DGKB: variants seen among roughly 807,000 people sequenced by gnomAD.
The protein encoded by DGKB is 90 kDa diacylglycerol kinase.
DGKB carries 67 observed loss-of-function variants against 114.3 expected under a neutral mutation model. The ratio of observed to expected loss-of-function variants is 0.59; its 90% CI spans 0.48 to 0.72. The LOEUF (loss-of-function observed/expected upper bound fraction) is 0.72, where lower values mean the gene tolerates loss of function less well. Ranked by LOEUF, DGKB falls within the 30% of genes least tolerant of loss-of-function variation. The pLI, the probability that DGKB is intolerant of heterozygous loss-of-function variation, is 0.00. For missense variants in DGKB, 907 were observed against 975.2 expected, an observed-to-expected ratio of 0.93 and a Z score of 0.93; for synonymous variants, 398 against 323.1, an observed-to-expected ratio of 1.23 and a Z score of -2.49.
At chr7:14,531,046 A>C (rs1258754379) in intron 20 of DGKB, among the ~76,000 whole-genome samples, 1 of 151,540 alleles carries the variant, frequency 6.6e-6, no homozygotes, top group Non-Finnish European at 1.5e-5. Flanking sequence ...TTACTTCTAC[A>C]TTTCTATATT....
At chr7:14,913,833 C>G (rs907186957) in intron 1 of DGKB, among the ~76,000 whole-genome samples, 1 of 152,076 alleles carries the variant, frequency 6.6e-6, no homozygotes, top group African/African-American at 2.4e-5. Flanking sequence ...GCTAAGCAAG[C>G]TAATCAATAA....
chr7:14,184,793 G>T (rs1014278971), intron 23 of DGKB, among the ~76,000 whole-genome samples: 3 of 151,994 alleles, frequency 2.0e-5, no homozygotes, highest in African/African-American at 7.2e-5. Context: ...CTGGCAGGAG[G>T]TGCAAAAAAA....
At chr7:14,497,028 C>G (rs563554911) in intron 20 of DGKB, among the ~76,000 whole-genome samples, 2 of 151,834 alleles carry the variant, frequency 1.3e-5, no homozygotes, top group Admixed American at 6.6e-5. Context: ...GAAATAATGT[C>G]TTTTGCAGCA....
At chr7:14,440,374 C>G (rs1243186473) in intron 21 of DGKB, among the ~76,000 whole-genome samples, 1 of 151,966 alleles carries the variant, frequency 6.6e-6, no homozygotes, top group Admixed American at 6.6e-5. Flanking sequence ...TGATCAGGAC[C>G]CTCACTCATG....
chr7:14,191,118 C>A, intron 23 of DGKB: 1 of 167,936 alleles, frequency 6.0e-6, no homozygotes, highest in South Asian at 1.6e-4. Flanking sequence ...AGCCACATTT[C>A]AGGCTGACTG....
chr7:14,824,717 G>A (rs60554069), intron 2 of DGKB, among the ~76,000 whole-genome samples: 1 of 151,794 alleles, frequency 6.6e-6, no homozygotes, highest in Non-Finnish European at 1.5e-5. Flanking sequence ...TGTTGTTTAT[G>A]TACATTTACC....
At chr7:14,478,881 A>G (rs1207190301) in intron 20 of DGKB, among the ~76,000 whole-genome samples, 1 of 152,120 alleles carries the variant, frequency 6.6e-6, no homozygotes, top group Non-Finnish European at 1.5e-5. Flanking sequence ...TGAGACCCCA[A>G]GTGCATCGGT....
chr7:14,236,929 T>A (rs1237477937), intron 23 of DGKB, among the ~76,000 whole-genome samples: 1 of 151,938 alleles, frequency 6.6e-6, no homozygotes, highest in African/African-American at 2.4e-5. Flanking sequence ...TCCTAAGTTG[T>A]AATGTGATGT....
chr7:14,487,583 CT>C (rs11433526), intron 20 of DGKB, among the ~76,000 whole-genome samples: 204 of 125,878 alleles, frequency 1.6e-3, no homozygotes, highest in Middle Eastern at 8.8e-3. Flanking sequence ...AAGAAAATTC[CT>C]TTTTTTTTTT....
chr7:14,780,424 T>C (rs1393427878), intron 2 of DGKB, among the ~76,000 whole-genome samples: 1 of 152,306 alleles, frequency 6.6e-6, no homozygotes, highest in African/African-American at 2.4e-5. Context: ...TTTACAACAA[T>C]AGGCATATAA....
intron 1 of DGKB, among the ~76,000 whole-genome samples, chr7:14,853,673 G>A (rs1417439712): frequency 6.6e-6 from 1 of 151,546 alleles, no homozygotes; most frequent in East Asian, 2.0e-4. Context: ...TGGCCAACAC[G>A]GTGAAACCAC....
chr7:14,219,621 G>T (rs4584047), intron 23 of DGKB, among the ~76,000 whole-genome samples: 105,469 of 151,606 alleles, frequency 0.7, 38,181 homozygotes, highest in African/African-American at 0.91. Flanking sequence ...CTGCCATGCT[G>T]TAATTGGGCT....
intron 23 of DGKB, among the ~76,000 whole-genome samples, chr7:14,241,445 A>G (rs1293250725): frequency 1.4e-5 from 2 of 147,288 alleles, no homozygotes; most frequent in African/African-American, 4.8e-5. Context: ...CCTAAACCCA[A>G]GTTATACAGC....
At chr7:14,291,399 T>A (rs1473226719) in intron 23 of DGKB, among the ~76,000 whole-genome samples, 1 of 152,168 alleles carries the variant, frequency 6.6e-6, no homozygotes, top group East Asian at 1.9e-4. Flanking sequence ...GACCCAGATA[T>A]AGGAAAGAAT....
chr7:14,433,254 C>CT (rs1445360580), intron 21 of DGKB, among the ~76,000 whole-genome samples: 1 of 152,068 alleles, frequency 6.6e-6, no homozygotes, highest in Non-Finnish European at 1.5e-5. Context: ...TAGCTGATGC[C>CT]TTTTTTTGAG....
At chr7:14,864,038 G>C (rs917076951) in intron 1 of DGKB, among the ~76,000 whole-genome samples, 1 of 150,532 alleles carries the variant, frequency 6.6e-6, no homozygotes, top group Non-Finnish European at 1.5e-5. Flanking sequence ...GGCAGAGGTT[G>C]CGATCAGCCA....
intron 21 of DGKB, among the ~76,000 whole-genome samples, chr7:14,399,195 A>G (rs117646532): frequency 0.029 from 4,386 of 152,026 alleles, 96 homozygotes; most frequent in Non-Finnish European, 0.045. Flanking sequence ...AAAGTGGTCT[A>G]AAGCTATTGA....
chr7:14,810,743 G>A (rs1843327554), intron 2 of DGKB, among the ~76,000 whole-genome samples: 1 of 152,000 alleles, frequency 6.6e-6, no homozygotes, highest in African/African-American at 2.4e-5. Context: ...CAAGTAGCTG[G>A]GACTACAGGC....
At chr7:14,378,392 T>C (rs975832307) in intron 21 of DGKB, among the ~76,000 whole-genome samples, 11 of 152,196 alleles carry the variant, frequency 7.2e-5, no homozygotes, top group Non-Finnish European at 1.6e-4. Context: ...GAAAAGTGTA[T>C]CATGATTATG....
Sources: allele counts gnomAD v4.1 joint callset (sites outside exome capture counted in the v4.1 genomes callset), GRCh38; gene constraint gnomAD v4.1.1; transcripts MANE v1.5; gene names NCBI Gene and HGNC (gene_info 2026-07-23, HGNC 2026-07-21).